The following DOCK3 variants were observed in gnomAD, a reference collection of about 807,000 sequenced individuals.
DOCK3 encodes the protein dedicator of cytokinesis 3.
Under a neutral mutation model 265.6 loss-of-function variants are expected in DOCK3, and 60 were observed. The ratio of observed to expected loss-of-function variants is 0.23; its 90% confidence interval spans 0.18 to 0.28. The LOEUF (loss-of-function observed/expected upper bound fraction) is 0.28. DOCK3 is among the 10% of genes least tolerant of loss of function. DOCK3 has a pLI of 1.00. For synonymous variants in DOCK3, 881 were observed against 938.0 expected, an observed-to-expected ratio of 0.94 and a Z score of 1.11; for missense variants, 1,981 against 2,594.3, an observed-to-expected ratio of 0.76 and a Z score of 5.14.
At position 50,952,908 on chromosome 3, in the gene DOCK3, G is replaced by A. The variant is rs537637547; in HGVS notation, c.315+18831G>A. ...AACAAATAAATAACAGTACATGAAG[G>A]CCCTTTCCTGAGTATGTGGCATGTA... On this transcript the variant is annotated intron_variant, in intron 5 of 52. Coordinates refer to ENST00000266037, the MANE Select transcript of DOCK3 (RefSeq NM_004947.5). 1.4e-3 allele frequency among the ~76,000 whole-genome samples: 211 copies of A among 152,058 alleles called. 1 individual carries two copies. The South Asian group carries it at 0.016, about 12-fold the overall frequency.
At chr3:50,853,298 G>GTT (rs112948729) in intron 3 of DOCK3, among the ~76,000 whole-genome samples, 11 of 144,338 alleles carry the variant, frequency 7.6e-5, no homozygotes, top group Non-Finnish European at 1.2e-4. Flanking sequence ...TCCTGTGACT[G>GTT]TTTTTTTTTT....
intron 22 of DOCK3, among the ~76,000 whole-genome samples, chr3:51,249,121 CA>C (rs2079013576): frequency 6.6e-6 from 1 of 150,444 alleles, no homozygotes. Flanking sequence ...AGCCCCCCGC[CA>C]GGCCAGCCGC....
chr3:50,862,726 C>G (rs572305561), intron 3 of DOCK3, among the ~76,000 whole-genome samples: 1 of 152,278 alleles, frequency 6.6e-6, no homozygotes, highest in African/African-American at 2.4e-5. Context: ...CACAGCCTTT[C>G]CCCCTAATCC....
chr3:51,282,219 G>A (rs2081162536), intron 27 of DOCK3, among the ~76,000 whole-genome samples: 1 of 152,128 alleles, frequency 6.6e-6, no homozygotes, highest in African/African-American at 2.4e-5. Flanking sequence ...ATAAGGGAGA[G>A]GAATAGGCTA....
At chr3:51,212,437 T>TG in intron 13 of DOCK3, among the ~76,000 whole-genome samples, 1 of 152,066 alleles carries the variant, frequency 6.6e-6, no homozygotes, top group African/African-American at 2.4e-5. Context: ...CACTGTTTTT[T>TG]TTTTTTTTTT....
intron 1 of DOCK3, among the ~76,000 whole-genome samples, chr3:50,690,108 A>T (rs938163386): frequency 2.0e-5 from 3 of 150,258 alleles, no homozygotes; most frequent in Admixed American, 1.3e-4. Context: ...GGCAAAACGT[A>T]CGTAACATAA....
At chr3:50,787,204 G>T (rs2042228874) in intron 2 of DOCK3, 2 of 612,824 alleles carry the variant, frequency 3.3e-6, no homozygotes, top group South Asian at 1.7e-5. Context: ...TCACAAATCT[G>T]CATGTGCCTA....
chr3:51,281,025 C>A (rs531620793), intron 27 of DOCK3, among the ~76,000 whole-genome samples: 1 of 152,246 alleles, frequency 6.6e-6, no homozygotes, highest in South Asian at 2.1e-4. Flanking sequence ...CTCTCTCACA[C>A]ACACATCCTT....
intron 7 of DOCK3, among the ~76,000 whole-genome samples, chr3:51,085,280 G>C (rs2082379167): frequency 6.6e-6 from 1 of 152,168 alleles, no homozygotes; most frequent in Non-Finnish European, 1.5e-5. Context: ...CAGACAGAAA[G>C]TCAACAAACA....
intron 12 of DOCK3, among the ~76,000 whole-genome samples, chr3:51,197,717 G>A (rs1267940382): frequency 6.6e-6 from 1 of 152,140 alleles, no homozygotes; most frequent in African/African-American, 2.4e-5. Context: ...CAGGCCCCAG[G>A]TGGAGTGCTC....
chr3:50,770,469 C>A (rs895733913), intron 1 of DOCK3, among the ~76,000 whole-genome samples: 1 of 151,610 alleles, frequency 6.6e-6, no homozygotes, highest in Non-Finnish European at 1.5e-5. Flanking sequence ...AAAAAAAATC[C>A]GTGTTCATTG....
chr3:50,774,212 C>T (rs1372426920), intron 1 of DOCK3, among the ~76,000 whole-genome samples: 2 of 151,918 alleles, frequency 1.3e-5, no homozygotes, highest in Non-Finnish European at 2.9e-5. Flanking sequence ...TCATCCTTTG[C>T]ATTTTTATAC....
chr3:51,361,829 C>G lies in DOCK3; in HGVS notation c.5007-30C>G. 6.2e-7 allele frequency: 1 copy of G among 1,606,438 alleles called. No homozygotes were observed. The highest frequency in any genetic ancestry group is 8.5e-7 in the Non-Finnish European group (1 of 1,176,028). On this transcript the variant is annotated intron_variant, in intron 47 of 52. Transcript: ENST00000266037. The surrounding 1 kb of genome is among the most constrained non-coding windows in gnomAD (Gnocchi z 4.2). ...CCCCTGCCACCTGCCATGGGCCTGA[C>G]TCCTCCCTATTTCCCACTCTTGCTC... is the stretch of plus-strand genomic sequence containing the variant.
At chr3:51,341,510 A>G in intron 38 of DOCK3, 125 bp downstream of exon 38, 1 of 1,343,472 alleles carries the variant, frequency 7.4e-7, no homozygotes, top group East Asian at 2.5e-5. Flanking sequence ...GTGGGTGCCT[A>G]TCTATGTGCC....
intron 9 of DOCK3, among the ~76,000 whole-genome samples, chr3:51,145,592 T>TTTTTTA (rs1560122005): frequency 1.3e-5 from 2 of 152,296 alleles, no homozygotes; most frequent in African/African-American, 4.8e-5. Context: ...TCGTGAGATT[T>TTTTTTA]TTTTTATTTT....
chr3:50,916,586 G>A (rs1344394578), intron 4 of DOCK3, among the ~76,000 whole-genome samples: 2 of 152,106 alleles, frequency 1.3e-5, no homozygotes, highest in Non-Finnish European at 2.9e-5. Context: ...GGGAGGCTGA[G>A]GCTGGTGGAT....
chr3:50,969,282 T>C (rs1266318142), intron 5 of DOCK3, among the ~76,000 whole-genome samples: 4 of 152,198 alleles, frequency 2.6e-5, no homozygotes, highest in South Asian at 2.1e-4. Flanking sequence ...TTATCTAATA[T>C]AAATATAGCC....
intron 2 of DOCK3, among the ~76,000 whole-genome samples, chr3:50,804,915 C>T (rs551138342): frequency 4.6e-5 from 7 of 152,126 alleles, no homozygotes; most frequent in Non-Finnish European, 7.3e-5. Context: ...TCAAATCATG[C>T]GTTGATTTCC....
intron 4 of DOCK3, among the ~76,000 whole-genome samples, chr3:50,895,390 C>T (rs895935554): frequency 1.3e-5 from 2 of 150,968 alleles, no homozygotes; most frequent in African/African-American, 4.9e-5. Flanking sequence ...TGTTCTTCTT[C>T]TTCTTTTTTT....
Sources: gnomAD v4.1 joint callset for allele counts (sites outside exome capture counted in the v4.1 genomes callset) on GRCh38, gnomAD v4.1.1 for gene constraint, Gnocchi (gnomAD v3.1) non-coding constraint, MANE v1.5 for transcripts, NCBI Gene and HGNC (gene_info 2026-07-23, HGNC 2026-07-21) for gene names.